Variants in HS3ST2 observed in about 807,000 individuals in gnomAD.
HS3ST2 encodes heparan sulfate glucosamine 3-O-sulfotransferase 2.
Under a neutral mutation model 26.3 loss-of-function variants are expected in HS3ST2, and 17 were observed. The ratio of observed to expected loss-of-function variants is 0.65; its 90% CI spans 0.44 to 0.97. HS3ST2 has a LOEUF of 0.97. Ranked by LOEUF, HS3ST2 falls within the 50% of genes least tolerant of loss-of-function variation. HS3ST2 has a pLI of 0.00. For missense variants in HS3ST2, 402 were observed against 501.2 expected, an observed-to-expected ratio of 0.80 and a Z score of 1.89; for synonymous variants, 237 against 219.2, an observed-to-expected ratio of 1.08 and a Z score of -0.72.
chr16:22,844,220 G>T (rs1391696326), intron 1 of HS3ST2, among the ~76,000 whole-genome samples: 1 of 152,060 alleles, frequency 6.6e-6, no homozygotes, highest in Non-Finnish European at 1.5e-5. Flanking sequence ...TTTACATTTT[G>T]CTTCTGCTGC....
At chr16:22,904,379 A>G (rs1189584263) in intron 1 of HS3ST2, among the ~76,000 whole-genome samples, 1 of 152,208 alleles carries the variant, frequency 6.6e-6, no homozygotes, top group Non-Finnish European at 1.5e-5. Flanking sequence ...CACTGTCAAT[A>G]TAGAGATGCC....
In HS3ST2 at chr16:22,915,341, A is replaced by C; in HGVS notation, c.883A>C (p.Lys295Gln). The C allele has an allele frequency of 6.2e-7, 1 of 1,614,088 alleles. No individual in the cohort carries two copies. Among genetic ancestry groups the C allele is most frequent in the Non-Finnish European group, 8.5e-7 (1 of 1,180,010 alleles). ...MGRVQDFLGI[K>Q]RFITDKHFYF... ...GCGAGTCCAGGACTTCCTGGGCATT[A>C]AGAGATTCATCACGGACAAGCACTT... Residue 295 changes from lysine to glutamine, a missense_variant, in exon 2 of 2, where the codon AAG (lysine) becomes CAG (glutamine). Lys to Gln is a moderately conservative substitution (Grantham distance 53, BLOSUM62 1). Around this residue, in one of 2 missense-constraint regions of HS3ST2, gnomAD observed 237 missense variants for 346.6 expected, o/e 0.68. Transcript: ENST00000261374.
At position 22,814,912 on chromosome 16, in the gene HS3ST2, C is replaced by T. The variant is rs1263634528; in HGVS notation, c.302C>T (p.Ser101Phe). 6.3e-7 allele frequency: 1 copy of T among 1,593,764 alleles called. No individual in the cohort carries two copies. The highest frequency in any genetic ancestry group is 8.5e-7 in the Non-Finnish European group (1 of 1,170,858). Residue 101 changes from serine (S) to phenylalanine (F), a missense_variant, in exon 1 of 2, where the codon TCC becomes TTC. By Grantham distance (155) the Ser-to-Phe change is radical. Transcript: ENST00000261374. Reference sequence around the variant, plus strand: ...GTGCCCGCCCCTCGCCTCTCCGGTTCCAACCACTCCGGCTCACCCAAGCTG... The same window carrying T: ...GTGCCCGCCCCTCGCCTCTCCGGTTTCAACCACTCCGGCTCACCCAAGCTG... Reference protein sequence around the residue: ...AAVPAPRLSGSNHSGSPKLGT... With the variant: ...AAVPAPRLSGFNHSGSPKLGT...
At chr16:22,873,451 C>G (rs910188699) in intron 1 of HS3ST2, among the ~76,000 whole-genome samples, 1 of 152,198 alleles carries the variant, frequency 6.6e-6, no homozygotes, top group East Asian at 1.9e-4. Context: ...ACTTCTAAAC[C>G]TGTCGGGTAA....
chr16:22,846,356 C>T (rs749447448), intron 1 of HS3ST2, among the ~76,000 whole-genome samples: 31 of 151,930 alleles, frequency 2.0e-4, no homozygotes, highest in Non-Finnish European at 3.1e-4. Context: ...GTCAGTGCTG[C>T]GCCCAATAAT....
rs1902227743 is a variant in HS3ST2, at chr16:22,897,649, G to GTATT, written c.486-17295_486-17294insTATT. On this transcript the variant is annotated intron_variant, in intron 1 of 1. Coordinates refer to ENST00000261374, the MANE Select transcript of HS3ST2 (RefSeq NM_006043.2). ...AATTTTCTAAAATACATTAAAATAA[G>GTATT]CATCTTTGCCTTGCCTAACTTTAAT... is the stretch of plus-strand genomic sequence containing the variant. Among the ~76,000 whole-genome samples the GTATT allele has an allele frequency of 1.2e-4, 11 of 93,414 alleles. 1 individual carries two copies. The highest frequency in any genetic ancestry group is 1.1e-3 in the Admixed American group (10 of 8,990). 61.3% of individuals were successfully genotyped at this position (93,414 alleles called of 152,430 possible).
chr16:22,913,148 AAGGGAGGGAGGGAGGGAGGG>A (rs1187278304), intron 1 of HS3ST2, among the ~76,000 whole-genome samples: 2 of 88,062 alleles, frequency 2.3e-5, no homozygotes, highest in African/African-American at 1.1e-4. Context: ...GGAAGGAAGG[AAGGGAGGGAGGGAGGGAGGG>A]AGGGAGGGAG....
Position 22,915,187 on chromosome 16 carries a change from G to A in HS3ST2, c.729G>A (p.Val243=), listed in dbSNP as rs1902477679. The A allele has an allele frequency of 6.2e-7, 1 of 1,614,134 alleles. No homozygotes were observed. Among genetic ancestry groups the A allele is most frequent in the Non-Finnish European group, 8.5e-7 (1 of 1,180,036 alleles). ...FRNRTLGLVD[V]SWNAIRIGMY... ...ACCGCACCCTGGGCCTGGTGGACGT[G>A]TCATGGAACGCCATCCGCATCGGCA... Residue 243 remains valine, a synonymous_variant, in exon 2 of 2, where the codon GTG becomes GTA. Coordinates refer to ENST00000261374, the MANE Select transcript of HS3ST2 (RefSeq NM_006043.2).
At chr16:22,868,353 G>A (rs1901785256) in intron 1 of HS3ST2, among the ~76,000 whole-genome samples, 1 of 138,612 alleles carries the variant, frequency 7.2e-6, no homozygotes. Context: ...AGGTTGCAGT[G>A]AGCCAAGATC....
chr16:22,851,899 G>A (rs796651544), intron 1 of HS3ST2, among the ~76,000 whole-genome samples: 43 of 152,184 alleles, frequency 2.8e-4, no homozygotes, highest in African/African-American at 9.6e-4. Flanking sequence ...TGTGCTTATG[G>A]GGTTGTCCTT....
chr16:22,831,060 G>C (rs1184633433), intron 1 of HS3ST2, among the ~76,000 whole-genome samples: 1 of 152,196 alleles, frequency 6.6e-6, no homozygotes, highest in South Asian at 2.1e-4. Context: ...CTCTGTTCCA[G>C]AGAGAGATCA....
At chr16:22,881,221 A>G (rs1319562417) in intron 1 of HS3ST2, among the ~76,000 whole-genome samples, 2 of 152,218 alleles carry the variant, frequency 1.3e-5, no homozygotes, top group African/African-American at 2.4e-5. Context: ...GTTAAAAGGA[A>G]CACCTAGGGA....
rs397803203 is a variant in HS3ST2, at chr16:22,893,649, T to TA, written c.486-21292dup. Among the ~76,000 whole-genome samples, 385 of 149,496 alleles carry TA rather than the reference T, an allele frequency of 2.6e-3. 1 individual carries two copies. The highest frequency in any genetic ancestry group is 3.4e-3 in the Non-Finnish European group (227 of 67,354). Reference sequence around the variant, plus strand: ...TTTTTCTTTTCTTTTTTTTTTTTTTTAAATTTTTTGTTTTACTTTAAGTTC... The same window carrying TA: ...TTTTTCTTTTCTTTTTTTTTTTTTTTAAAATTTTTTGTTTTACTTTAAGTTC... On this transcript the variant is annotated intron_variant, in intron 1 of 1. Coordinates refer to ENST00000261374, the MANE Select transcript of HS3ST2 (RefSeq NM_006043.2).
At chr16:22,873,297 C>T (rs890618131) in intron 1 of HS3ST2, among the ~76,000 whole-genome samples, 1 of 152,156 alleles carries the variant, frequency 6.6e-6, no homozygotes. Flanking sequence ...ATCTATTTCA[C>T]AGGTTATTAA....
intron 1 of HS3ST2, among the ~76,000 whole-genome samples, chr16:22,860,420 G>A (rs1169970952): frequency 2.6e-5 from 4 of 152,170 alleles, no homozygotes; most frequent in Non-Finnish European, 5.9e-5. Context: ...AATTATGGGA[G>A]CTACAATTCA....
At chr16:22,893,747 C>G (rs550454299) in intron 1 of HS3ST2, among the ~76,000 whole-genome samples, 1 of 150,706 alleles carries the variant, frequency 6.6e-6, no homozygotes, top group East Asian at 2.0e-4. Flanking sequence ...TTCTCACTCA[C>G]AAGTAGGAGT....
chr16:22,902,942 G>GA (rs1902300029), intron 1 of HS3ST2, among the ~76,000 whole-genome samples: 3 of 152,120 alleles, frequency 2.0e-5, no homozygotes. Flanking sequence ...AAAAAGATAT[G>GA]AAAAACAGAT....
intron 1 of HS3ST2, among the ~76,000 whole-genome samples, chr16:22,836,984 CT>C (rs1166342736): frequency 2.0e-5 from 3 of 152,118 alleles, no homozygotes; most frequent in Admixed American, 6.6e-5. Context: ...AAAAGCACCT[CT>C]GAAATCATGG....
intron 1 of HS3ST2, among the ~76,000 whole-genome samples, chr16:22,893,576 C>T (rs188976286): frequency 4.7e-4 from 70 of 149,066 alleles, no homozygotes; most frequent in Non-Finnish European, 7.3e-4. Context: ...CTGGATTAGA[C>T]GCAATGGTAT....
Sources: gnomAD v4.1 joint callset for allele counts (sites outside exome capture counted in the v4.1 genomes callset) on GRCh38, gnomAD v4.1.1 for gene constraint, gnomAD v4.1.1 regional missense constraint, MANE v1.5 for transcripts, NCBI Gene and HGNC (gene_info 2026-07-23, HGNC 2026-07-21) for gene names.